The following CYREN variants were observed in gnomAD, a reference collection of about 807,000 sequenced individuals.
The protein encoded by CYREN is cell cycle regulator of NHEJ, also known as cell cycle regulator of non-homologous end joining.
A neutral mutation model predicts 9.7 loss-of-function variants in CYREN; 7 were observed. The observed-to-expected ratio is 0.72, with a 90% CI of 0.41 to 1.36. The LOEUF (loss-of-function observed/expected upper bound fraction) is 1.36, where lower values mean the gene tolerates loss of function less well. Ranked by LOEUF, CYREN falls within the 40% of genes most tolerant of loss-of-function variation. The probability of loss-of-function intolerance (pLI) is 0.01; values close to 1 mark genes in which losing one functional copy is unlikely to be tolerated. For missense variants in CYREN, 215 were observed against 198.1 expected, an observed-to-expected ratio of 1.09 and a Z score of -0.51; for synonymous variants, 76 against 77.9, an observed-to-expected ratio of 0.98 and a Z score of 0.13.
chr7:135,149,249 T>C (rs909733210), intron 2 of CYREN, among the ~76,000 whole-genome samples: 4 of 152,176 alleles, frequency 2.6e-5, no homozygotes, highest in African/African-American at 9.7e-5. Flanking sequence ...TAGAGAACAA[T>C]TGCCTGTAAT....
chr7:135,093,290 A>AACAC (rs576046311), exon 3 of CYREN: 3 of 151,034 alleles, frequency 2.0e-5, no homozygotes, highest in Non-Finnish European at 4.4e-5. Context: ...AATCCGAAGG[A>AACAC]ACACACACAC....
chr7:135,134,976 A>T, intron 2 of CYREN: 1 of 1,551,260 alleles, frequency 6.4e-7, no homozygotes, highest in East Asian at 2.4e-5. Context: ...CCCACAGGTC[A>T]TTGGAAAGTT....
rs188760631 is a variant in CYREN at position 135,126,620 on chromosome 7, A to C, written n.357-32038T>G. 2.3e-3 allele frequency among the ~76,000 whole-genome samples: 355 copies of C among 152,356 alleles called. 2 individuals carry two copies. The highest frequency in any genetic ancestry group is 5.0e-3 in the South Asian group (24 of 4,826). The stretch of plus-strand genomic sequence containing the variant: ...GAAGGAACAAAGCTGGAGAGGTATC[A>C]CACTACCTAACTTCAAACTGTACTA... On this transcript the variant is annotated intron_variant and non_coding_transcript_variant, in intron 2 of 2. Transcript: ENST00000459937.
chr7:135,109,983 A>G (rs1247522442), intron 2 of CYREN, among the ~76,000 whole-genome samples: 3 of 152,208 alleles, frequency 2.0e-5, no homozygotes, highest in Non-Finnish European at 4.4e-5. Flanking sequence ...CCCATTGAGG[A>G]GAAGCAGCAT....
chr7:135,135,042 G>T (rs1484801040), intron 2 of CYREN: 1 of 1,551,052 alleles, frequency 6.4e-7, no homozygotes, highest in Non-Finnish European at 8.7e-7. Context: ...GGGCCATAAA[G>T]AATGAAGACA....
At chr7:135,172,000 T>G (rs548745773), upstream of CYREN, among the ~76,000 whole-genome samples, 2 of 152,218 alleles carry the variant, frequency 1.3e-5, no homozygotes, top group Non-Finnish European at 2.9e-5. Flanking sequence ...CTTGCCCCAC[T>G]CCATGTGAGT....
At chr7:135,102,090 A>T (rs949791763) in intron 2 of CYREN, among the ~76,000 whole-genome samples, 5 of 152,176 alleles carry the variant, frequency 3.3e-5, no homozygotes, top group African/African-American at 1.2e-4. Flanking sequence ...TCCTTTATAA[A>T]TTACCCAGTC....
At chr7:135,145,162 C>T (rs1829523913) in intron 2 of CYREN, among the ~76,000 whole-genome samples, 1 of 151,816 alleles carries the variant, frequency 6.6e-6, no homozygotes, top group Non-Finnish European at 1.5e-5. Context: ...AACAAGAAAG[C>T]CAGACATAAT....
intron 2 of CYREN, among the ~76,000 whole-genome samples, chr7:135,124,438 A>G (rs1428820771): frequency 6.6e-6 from 1 of 152,232 alleles, no homozygotes; most frequent in Non-Finnish European, 1.5e-5. Flanking sequence ...CTCCCACACA[A>G]TAATAGTGGA....
In CYREN at chr7:135,167,623, A is replaced by C. The variant is rs1830268201; in HGVS notation, c.213+109T>G. On this transcript the variant is annotated intron_variant, in intron 3 of 3. Transcript: ENST00000393114. ...GAGCAAGGGAAGTGGCAGGAGGAAG[A>C]AGAGGTAGCCTACGGCAGAGGGCGT... 10 of 1,522,458 alleles carry C rather than the reference A, an allele frequency of 6.6e-6. No homozygotes were observed. In the East Asian group the frequency reaches 2.3e-4, roughly 35 times the overall value. 94.3% of individuals were successfully genotyped at this position (1,522,458 alleles called of 1,614,324 possible).
chr7:135,143,646 A>G (rs940195075), intron 2 of CYREN, among the ~76,000 whole-genome samples: 1 of 152,104 alleles, frequency 6.6e-6, no homozygotes, highest in South Asian at 2.1e-4. Flanking sequence ...AGTGTTTAAT[A>G]TTGAATTTAA....
intron 2 of CYREN, among the ~76,000 whole-genome samples, chr7:135,097,012 T>G (rs1345338875): frequency 6.6e-6 from 1 of 152,176 alleles, no homozygotes; most frequent in South Asian, 2.1e-4. Flanking sequence ...ATTGAAAGTG[T>G]TTTTATGACC....
chr7:135,095,599 A>T (rs76771668), intron 2 of CYREN, among the ~76,000 whole-genome samples: 1,968 of 152,354 alleles, frequency 0.013, 38 homozygotes, highest in African/African-American at 0.045. Flanking sequence ...AAAGGCAAGA[A>T]AATACAAAAG....
At chr7:135,138,500 T>C (rs550333092) in intron 2 of CYREN, among the ~76,000 whole-genome samples, 1 of 151,938 alleles carries the variant, frequency 6.6e-6, no homozygotes, top group African/African-American at 2.4e-5. Flanking sequence ...TCATTGTAAA[T>C]GTATCCTGTA....
chr7:135,105,527 A>C (rs1465885984), intron 2 of CYREN, among the ~76,000 whole-genome samples: 1 of 152,204 alleles, frequency 6.6e-6, no homozygotes, highest in Admixed American at 6.5e-5. Context: ...GATTTGTAGA[A>C]GATCAGATGG....
intron 2 of CYREN, among the ~76,000 whole-genome samples, chr7:135,117,875 G>A (rs991804988): frequency 8.5e-5 from 13 of 152,182 alleles, no homozygotes; most frequent in African/African-American, 2.7e-4. Context: ...TCTACCCACT[G>A]GCATGGTTGC....
At position 135,168,930 on chromosome 7, in the gene CYREN, C is replaced by G. The variant is rs771799213; in HGVS notation, c.-8G>C. 1 of 1,575,354 alleles carries G rather than the reference C, an allele frequency of 6.3e-7. No homozygotes were observed. Among genetic ancestry groups the G allele is most frequent in the African/African-American group, 1.4e-5 (1 of 72,968 alleles). On this transcript the variant is annotated 5_prime_UTR_variant, in exon 2 of 4. Transcript: ENST00000393114. ...GGATTGTAAGGTTTCCATCTCTGTA[C>G]CTTCTCACAAAGAAGAGTCAGGGCC...
chr7:135,123,004 A>G (rs113760167), intron 2 of CYREN, among the ~76,000 whole-genome samples: 57 of 151,514 alleles, frequency 3.8e-4, no homozygotes, highest in Admixed American at 6.6e-4. Context: ...AATGATCGCA[A>G]TGTATCTCCA....
At chr7:135,147,785 A>G in intron 2 of CYREN, 1 of 456,276 alleles carries the variant, frequency 2.2e-6, no homozygotes, top group Non-Finnish European at 4.4e-6. Context: ...TCTTCTGAAT[A>G]AAATTCCGGG....
Sources: gnomAD v4.1 joint callset for allele counts (sites outside exome capture counted in the v4.1 genomes callset) on GRCh38, gnomAD v4.1.1 for gene constraint, MANE v1.5 for transcripts, NCBI Gene and HGNC (gene_info 2026-07-23, HGNC 2026-07-21) for gene names.